Variants in CPNE4 observed in about 807,000 individuals in gnomAD.
CPNE4 encodes copine-4.
In CPNE4, 25 loss-of-function variants were observed where a neutral mutation model predicts 67.9. The observed-to-expected ratio is 0.37, with a 90% CI of 0.27 to 0.51. CPNE4 has a LOEUF of 0.51. Among genes scored for constraint, CPNE4 ranks in the 20% least tolerant of loss-of-function variants. The probability of loss-of-function intolerance (pLI) is 0.93; values close to 1 mark genes in which losing one functional copy is unlikely to be tolerated. For synonymous variants in CPNE4, 242 were observed against 244.9 expected, an observed-to-expected ratio of 0.99 and a Z score of 0.11; for missense variants, 464 against 690.8, an observed-to-expected ratio of 0.67 and a Z score of 3.68.
intron 2 of CPNE4, among the ~76,000 whole-genome samples, chr3:131,897,914 T>A (rs2088398991): frequency 6.6e-6 from 1 of 151,378 alleles, no homozygotes; most frequent in African/African-American, 2.4e-5. Context: ...AAAAAGAGGA[T>A]GGAAAAAATA....
intron 2 of CPNE4, among the ~76,000 whole-genome samples, chr3:131,751,821 A>G (rs1020270708): frequency 1.3e-5 from 2 of 150,772 alleles, no homozygotes; most frequent in African/African-American, 4.9e-5. Flanking sequence ...TTTTGTAGGG[A>G]AAGCAGGGGA....
At chr3:131,792,638 TGTATATATGTATATATACACAC>T (rs2083767655) in intron 2 of CPNE4, among the ~76,000 whole-genome samples, 4 of 86,660 alleles carry the variant, frequency 4.6e-5, no homozygotes, top group Admixed American at 4.4e-4. Flanking sequence ...TATACACACG[TGTATATATGTATATATACACAC>T]GTGTATATAT....
chr3:131,588,234 C>T (rs1412723366), intron 7 of CPNE4, among the ~76,000 whole-genome samples: 1 of 152,094 alleles, frequency 6.6e-6, no homozygotes, highest in African/African-American at 2.4e-5. Flanking sequence ...AAGATGCAAC[C>T]ATTCACTTCT....
At chr3:131,605,010 TC>T (rs1939417297) in intron 7 of CPNE4, among the ~76,000 whole-genome samples, 1 of 152,180 alleles carries the variant, frequency 6.6e-6, no homozygotes, top group Non-Finnish European at 1.5e-5. Context: ...ATTGGCTAAG[TC>T]CTCTAAGTAC....
At chr3:131,588,057 T>C (rs1218312809) in intron 7 of CPNE4, among the ~76,000 whole-genome samples, 1 of 151,578 alleles carries the variant, frequency 6.6e-6, no homozygotes, top group African/African-American at 2.4e-5. Context: ...TAATCACATT[T>C]TTCTTTTTCT....
chr3:131,642,050 A>G lies in CPNE4; in HGVS notation c.681+27625T>C, dbSNP rs1229463650. On this transcript the variant is annotated intron_variant, in intron 7 of 15. Transcript: ENST00000429747. ...AGGAATAAAAGACTACACATTGGAT[A>G]CAGTGTATGCTGCTCGAGTGATGGT... is the stretch of plus-strand genomic sequence containing the variant. 2.0e-5 allele frequency among the ~76,000 whole-genome samples: 3 copies of G among 152,182 alleles called. No homozygotes were observed. The South Asian group carries it at 6.2e-4, about 32-fold the overall frequency.
intron 2 of CPNE4, among the ~76,000 whole-genome samples, chr3:131,743,888 G>A (rs1370295530): frequency 6.8e-6 from 1 of 146,694 alleles, no homozygotes; most frequent in Non-Finnish European, 1.5e-5. Context: ...GCGTGAACCC[G>A]GGAGGCGGAG....
chr3:131,792,892 AGTGTGT>A (rs1553772420), intron 2 of CPNE4, among the ~76,000 whole-genome samples: 7 of 127,882 alleles, frequency 5.5e-5, no homozygotes, highest in South Asian at 2.7e-4. Flanking sequence ...AGGTATTTCC[AGTGTGT>A]GTGTGTGTGT....
intron 3 of CPNE4, among the ~76,000 whole-genome samples, chr3:131,716,681 T>C (rs1163646653): frequency 6.6e-6 from 1 of 152,220 alleles, no homozygotes. Flanking sequence ...CCATCCCGAG[T>C]GCTCCCTCCA....
At chr3:131,633,038 T>A (rs571481857) in intron 7 of CPNE4, among the ~76,000 whole-genome samples, 8 of 152,302 alleles carry the variant, frequency 5.3e-5, no homozygotes, top group African/African-American at 1.9e-4. Context: ...ACCCCAAACT[T>A]GATCCACCTG....
At chr3:131,738,789 C>T (rs1016358521) in intron 2 of CPNE4, among the ~76,000 whole-genome samples, 4 of 151,600 alleles carry the variant, frequency 2.6e-5, no homozygotes, top group African/African-American at 7.3e-5. Context: ...TTTCTTGATT[C>T]AATGCAAATG....
At chr3:131,872,822 G>C (rs1016745440) in intron 2 of CPNE4, among the ~76,000 whole-genome samples, 1 of 152,166 alleles carries the variant, frequency 6.6e-6, no homozygotes, top group African/African-American at 2.4e-5. Flanking sequence ...CCTTTAGCTA[G>C]GCCCCCAGTT....
At chr3:131,721,364 A>C (rs2107742415) in intron 3 of CPNE4, among the ~76,000 whole-genome samples, 1 of 142,070 alleles carries the variant, frequency 7.0e-6, no homozygotes, top group East Asian at 2.1e-4. Context: ...AAAAAAAAAG[A>C]TCTTTAGTCC....
chr3:131,653,574 G>A (rs182950001), intron 7 of CPNE4, among the ~76,000 whole-genome samples: 1 of 152,198 alleles, frequency 6.6e-6, no homozygotes, highest in East Asian at 1.9e-4. Flanking sequence ...CTGCATAGAG[G>A]CCCTCAGTGC....
chr3:131,618,983 A>C (rs1298644379), intron 7 of CPNE4, among the ~76,000 whole-genome samples: 1 of 152,202 alleles, frequency 6.6e-6, no homozygotes, highest in African/African-American at 2.4e-5. Flanking sequence ...ACAGTGTGGC[A>C]GGTGAACAGG....
At chr3:131,808,168 C>G (rs1367645138) in intron 2 of CPNE4, among the ~76,000 whole-genome samples, 2 of 152,092 alleles carry the variant, frequency 1.3e-5, no homozygotes, top group East Asian at 3.9e-4. Context: ...GTCTACTGTC[C>G]TAAACGGAAT....
intron 1 of CPNE4, among the ~76,000 whole-genome samples, chr3:131,964,948 G>A (rs1295337991): frequency 6.6e-6 from 1 of 152,024 alleles, no homozygotes; most frequent in Non-Finnish European, 1.5e-5. Flanking sequence ...TGAAATGAAG[G>A]AAAAAATGTT....
intron 2 of CPNE4, among the ~76,000 whole-genome samples, chr3:131,812,371 T>C (rs2084568729): frequency 6.6e-6 from 1 of 151,768 alleles, no homozygotes; most frequent in Non-Finnish European, 1.5e-5. Flanking sequence ...GTGGAAAAAG[T>C]CAAAGACAAA....
chr3:131,570,799 T>G (rs1357643557), intron 10 of CPNE4, among the ~76,000 whole-genome samples: 1 of 152,078 alleles, frequency 6.6e-6, no homozygotes, highest in South Asian at 2.1e-4. Context: ...AATTCTCAAG[T>G]GTTCAGGTGA....
Sources: gnomAD v4.1 joint callset for allele counts (sites outside exome capture counted in the v4.1 genomes callset) on GRCh38, gnomAD v4.1.1 for gene constraint, MANE v1.5 for transcripts, NCBI Gene and HGNC (gene_info 2026-07-23, HGNC 2026-07-21) for gene names.